Variants in DYNC2H1 observed in about 807,000 individuals in gnomAD.
The protein encoded by DYNC2H1 is cytoplasmic dynein 2 heavy chain 1.
A neutral mutation model predicts 570.0 loss-of-function variants in DYNC2H1; 410 were observed. That is an observed-to-expected ratio of 0.72 (90% confidence interval 0.66 to 0.78). DYNC2H1 has a LOEUF of 0.78. Among genes scored for constraint, DYNC2H1 ranks in the 30% least tolerant of loss-of-function variants. The pLI, the probability that DYNC2H1 is intolerant of heterozygous loss-of-function variation, is 0.00. For missense variants in DYNC2H1, 4,865 were observed against 5,046.4 expected (o/e 0.96, Z 1.09); for synonymous variants, 1,688 against 1,677.6 (o/e 1.01, Z -0.15).
rs1159370230 is a variant in DYNC2H1, at chr11:103,439,829, A to G, written c.12456+3797A>G. Among the ~76,000 whole-genome samples the G allele has an allele frequency of 2.6e-5, 4 of 152,182 alleles. No homozygotes were observed. Among genetic ancestry groups the G allele is most frequent in the African/African-American group, 9.7e-5 (4 of 41,426 alleles). On this transcript the variant is annotated intron_variant, in intron 85 of 88. Transcript: ENST00000375735. This position sits in a 1 kb window ranked among gnomAD's most constrained non-coding sequence, Gnocchi z 4.1. The stretch of plus-strand genomic sequence containing the variant: ...ATTAACAAATGAATGGACTGGACAG[A>G]TTACTCTCTTTGGGGAACTTAGAAT...
intron 87 of DYNC2H1, among the ~76,000 whole-genome samples, chr11:103,460,454 A>C (rs377246146): frequency 1.5e-5 from 2 of 137,214 alleles, no homozygotes; most frequent in African/African-American, 5.4e-5. Context: ...CCAAGCTTAT[A>C]TAATTGTTTT....
rs889827362 is a variant in DYNC2H1 at position 103,148,627 on chromosome 11, A to G, written c.2946+10A>G. ...AGAACGGAAGCCAGAGGTGAGAATC[A>G]CAAAGTAAAATTATTATTATTACTT... On this transcript the variant is annotated intron_variant, in intron 20 of 88. Coordinates refer to ENST00000375735, the MANE Select transcript of DYNC2H1 (RefSeq NM_001377.3). 1.3e-6 allele frequency: 2 copies of G among 1,549,696 alleles called. No individual in the cohort carries two copies. Among genetic ancestry groups the G allele is most frequent in the Admixed American group, 2.0e-5 (1 of 50,052 alleles).
intron 79 of DYNC2H1, among the ~76,000 whole-genome samples, chr11:103,313,920 T>C (rs1322198566): frequency 6.6e-6 from 1 of 152,146 alleles, no homozygotes; most frequent in Non-Finnish European, 1.5e-5. Context: ...AGTTCCAAAA[T>C]GGGTAGGCAC....
At position 103,114,167 on chromosome 11, in the gene DYNC2H1, G is replaced by A; in HGVS notation, c.431G>A (p.Gly144Glu). 6.2e-7 allele frequency: 1 copy of A among 1,607,600 alleles called. No individual in the cohort carries two copies. Among genetic ancestry groups the A allele is most frequent in the Middle Eastern group, 1.7e-4 (1 of 6,018 alleles). ...LQNLLSELEA[G>E]LGIVLRRSDT... ...AATCTTTTGAGTGAACTAGAAGCTG[G>A]GTTGGGTATAGTTCTACGAAGATCA... Residue 144 changes from glycine (G) to glutamate (E), a missense_variant, in exon 3 of 89, where the codon GGG becomes GAG. This residue lies in a region of DYNC2H1 where 1,936 missense variants were observed against 1,962.1 expected (regional missense o/e 0.99). Coordinates refer to ENST00000375735, the MANE Select transcript of DYNC2H1 (RefSeq NM_001377.3).
chr11:103,258,200 TA>T (rs1303594497), intron 69 of DYNC2H1, among the ~76,000 whole-genome samples: 3 of 152,228 alleles, frequency 2.0e-5, no homozygotes, highest in African/African-American at 4.8e-5. Flanking sequence ...AAGTATGTAT[TA>T]AAGGATAACA....
At chr11:103,454,803 A>G (rs1051999144) in intron 85 of DYNC2H1, among the ~76,000 whole-genome samples, 5 of 152,190 alleles carry the variant, frequency 3.3e-5, no homozygotes, top group African/African-American at 1.2e-4. Context: ...CAAATCTGGA[A>G]CTGGAACCCT....
At chr11:103,112,839 G>C (rs2513998) in intron 1 of DYNC2H1, among the ~76,000 whole-genome samples, 42,505 of 152,040 alleles carry the variant, frequency 0.28, 6,197 homozygotes, top group African/African-American at 0.36. Flanking sequence ...GACTAGTATA[G>C]TTCTCAGCTA....
At chr11:103,188,730 T>C in intron 44 of DYNC2H1, 82 bp downstream of exon 44, 6 of 1,119,402 alleles carry the variant, frequency 5.4e-6, no homozygotes, top group Non-Finnish European at 7.0e-6. Context: ...TTTATGATAA[T>C]ACTTTAAAAT....
chr11:103,304,198 A>C (rs1158735412), intron 76 of DYNC2H1, among the ~76,000 whole-genome samples: 1 of 152,190 alleles, frequency 6.6e-6, no homozygotes, highest in East Asian at 1.9e-4. Context: ...AATTCTACAA[A>C]GAAAAATATA....
chr11:103,196,334 G>C (rs549370500), intron 47 of DYNC2H1, among the ~76,000 whole-genome samples: 265 of 152,212 alleles, frequency 1.7e-3, no homozygotes, highest in South Asian at 4.4e-3. Flanking sequence ...CTTTCTTCAT[G>C]TCTTTTGGAA....
At chr11:103,164,789 G>C (rs941244164) in intron 30 of DYNC2H1, among the ~76,000 whole-genome samples, 2 of 152,074 alleles carry the variant, frequency 1.3e-5, no homozygotes, top group East Asian at 3.9e-4. Context: ...TATAACCCAG[G>C]ACTGTAACTT....
chr11:103,393,486 T>A (rs1942260326), intron 83 of DYNC2H1, among the ~76,000 whole-genome samples: 2 of 152,228 alleles, frequency 1.3e-5, no homozygotes. Flanking sequence ...CTTCAAAAAT[T>A]ATTTGCTTTA....
In DYNC2H1 at chr11:103,280,430, GA is replaced by G; in HGVS notation, c.10761+18del. 6.5e-7 allele frequency: 1 copy of G among 1,550,050 alleles called. No individual in the cohort carries two copies. The highest frequency in any genetic ancestry group is 8.7e-7 in the Non-Finnish European group (1 of 1,145,690). On this transcript the variant is annotated intron_variant, in intron 71 of 88. Coordinates refer to ENST00000375735, the MANE Select transcript of DYNC2H1 (RefSeq NM_001377.3). This position sits in a 1 kb window ranked among gnomAD's most constrained non-coding sequence, Gnocchi z 4.7. The stretch of plus-strand genomic sequence containing the variant: ...CAAGAAAATGTAAGTCAAATTAAAG[GA>G]GAGAAATTTTACAGTAACATAGAAA...
intron 83 of DYNC2H1, among the ~76,000 whole-genome samples, chr11:103,392,976 C>G (rs907654748): frequency 2.0e-5 from 3 of 152,050 alleles, no homozygotes; most frequent in African/African-American, 7.2e-5. Flanking sequence ...CTCCGCCTCC[C>G]AGGTTCAAGC....
At chr11:103,450,099 AC>A (rs1489917093) in intron 85 of DYNC2H1, among the ~76,000 whole-genome samples, 1 of 152,234 alleles carries the variant, frequency 6.6e-6, no homozygotes, top group African/African-American at 2.4e-5. Flanking sequence ...AAAGTTACTA[AC>A]CAGAGATAAC....
Position 103,289,487 on chromosome 11 carries a change from G to T in DYNC2H1, c.11095+1882G>T, listed in dbSNP as rs544327032. On this transcript the variant is annotated intron_variant, in intron 75 of 88. Coordinates refer to ENST00000375735, the MANE Select transcript of DYNC2H1 (RefSeq NM_001377.3). This position sits in a 1 kb window ranked among gnomAD's most constrained non-coding sequence, Gnocchi z 4.2. ...TTTCCTCAGTTATAATATTTGCAAA[G>T]GTGGTTTCAGTACCTGTAATCCCAG... 3.3e-5 allele frequency among the ~76,000 whole-genome samples: 5 copies of T among 152,264 alleles called. No homozygotes were observed. The highest frequency in any genetic ancestry group is 1.2e-4 in the African/African-American group (5 of 41,554).
At position 103,236,502 on chromosome 11, in the gene DYNC2H1, A is replaced by T. The variant is rs370409886; in HGVS notation, c.9782A>T (p.Asp3261Val). 6.2e-7 allele frequency: 1 copy of T among 1,606,324 alleles called. No individual in the cohort carries two copies. The highest frequency in any genetic ancestry group is 1.7e-5 in the Admixed American group (1 of 59,812). The change falls in exon 63 of 89, where the codon GAT becomes GTT. Residue 3261 changes from aspartate (D) to valine (V), a missense_variant. Physicochemically the swap from Asp to Val is radical, Grantham distance 152 (BLOSUM62 -3). Coordinates refer to ENST00000375735, the MANE Select transcript of DYNC2H1 (RefSeq NM_001377.3). Reference sequence around the variant, plus strand: ...TGGAAAAGTGAAGGCCTACCATCAGATGACCTTTCCATAGAAAATGCTCTT... The same window carrying T: ...TGGAAAAGTGAAGGCCTACCATCAGTTGACCTTTCCATAGAAAATGCTCTT... ...LIWKSEGLPS[D>V]DLSIENALVI...
intron 82 of DYNC2H1, among the ~76,000 whole-genome samples, chr11:103,330,811 A>G (rs2135459933): frequency 6.6e-6 from 1 of 152,254 alleles, no homozygotes; most frequent in Non-Finnish European, 1.5e-5. Context: ...TGGCACCAGC[A>G]GAGTCAGACA....
chr11:103,447,713 A>ATG (rs1362178550), intron 85 of DYNC2H1, among the ~76,000 whole-genome samples: 1 of 152,148 alleles, frequency 6.6e-6, no homozygotes, highest in East Asian at 1.9e-4. Context: ...GGCATTGGAA[A>ATG]TGTGTAACAT....
Sources: allele counts gnomAD v4.1 joint callset (sites outside exome capture counted in the v4.1 genomes callset), GRCh38; gene constraint gnomAD v4.1.1; regional missense constraint gnomAD v4.1.1; non-coding constraint Gnocchi (gnomAD v3.1); transcripts MANE v1.5; gene names NCBI Gene and HGNC (gene_info 2026-07-23, HGNC 2026-07-21).